TMEM266: variants seen among roughly 807,000 people sequenced by gnomAD.
TMEM266 encodes the protein transmembrane protein 266.
TMEM266 carries 33 observed loss-of-function variants against 50.5 expected under a neutral mutation model. The observed-to-expected ratio is 0.65, with a 90% CI of 0.50 to 0.87. The LOEUF is 0.87. Ranked by LOEUF, TMEM266 falls within the 40% of genes least tolerant of loss-of-function variation. TMEM266 has a pLI of 0.00. For synonymous variants in TMEM266, 310 were observed against 292.3 expected, an observed-to-expected ratio of 1.06 and a Z score of -0.62; for missense variants, 655 against 695.1, an observed-to-expected ratio of 0.94 and a Z score of 0.65.
intron 1 of TMEM266, among the ~76,000 whole-genome samples, chr15:76,080,003 A>G (rs879269917): frequency 2.0e-5 from 3 of 151,960 alleles, no homozygotes; most frequent in Non-Finnish European, 4.4e-5. Context: ...AAGATAGCAT[A>G]AAGATGCTTG....
intron 2 of TMEM266, among the ~76,000 whole-genome samples, chr15:76,135,834 T>A (rs765587450): frequency 6.6e-6 from 1 of 152,226 alleles, no homozygotes; most frequent in Non-Finnish European, 1.5e-5. Flanking sequence ...GCAGCCAGGC[T>A]GTGGCATTCA....
rs1289369477 is a variant in TMEM266 at position 76,204,551 on chromosome 15, G to C, written c.*236G>C. The C allele has an allele frequency of 4.4e-5, 18 of 405,180 alleles. No individual in the cohort carries two copies. The highest frequency in any genetic ancestry group is 7.9e-5 in the Non-Finnish European group (18 of 228,192). 25.1% of individuals were successfully genotyped at this position (405,180 alleles called of 1,614,324 possible). A position where few individuals can be genotyped will look rare whatever the true frequency, so the allele number is the denominator to read the frequency against. On this transcript the variant is annotated 3_prime_UTR_variant, in exon 11 of 11. Transcript: ENST00000388942. ...AGGGGAGGGTGGTGCTCGTGGCTGGGTTTTCTTTTTAACCATTTTTACAAA... is the reference window on the plus strand; with the variant it reads ...AGGGGAGGGTGGTGCTCGTGGCTGGCTTTTCTTTTTAACCATTTTTACAAA...
intron 1 of TMEM266, among the ~76,000 whole-genome samples, chr15:76,099,488 G>A (rs62027658): frequency 0.093 from 14,213 of 152,334 alleles, 921 homozygotes; most frequent in Non-Finnish European, 0.15. Context: ...TGTCGACCTC[G>A]CTGGGAGCTG....
chr15:76,190,074 A>G (rs1016425135), intron 8 of TMEM266, among the ~76,000 whole-genome samples: 1 of 152,152 alleles, frequency 6.6e-6, no homozygotes, highest in African/African-American at 2.4e-5. Flanking sequence ...TCAACAAAAT[A>G]TTAAAATAAA....
intron 1 of TMEM266, among the ~76,000 whole-genome samples, chr15:76,127,071 A>G (rs746550585): frequency 1.3e-5 from 2 of 152,164 alleles, no homozygotes; most frequent in Non-Finnish European, 2.9e-5. Context: ...AACATATTGT[A>G]TGCTTAAATT....
At chr15:76,098,562 G>T (rs1173952013) in intron 1 of TMEM266, among the ~76,000 whole-genome samples, 2 of 152,102 alleles carry the variant, frequency 1.3e-5, no homozygotes, top group African/African-American at 4.8e-5. Context: ...GGGGATCAGG[G>T]ACCCACTTGA....
Position 76,203,921 on chromosome 15 carries a change from G to T in TMEM266, c.1202G>T (p.Ser401Ile). ...TCAGTCACCCGGGCCCAGAGTGACA[G>T]CAGCCAGACGCTGGGCTCCTCCATG... is the stretch of plus-strand genomic sequence containing the variant. Residue 401 changes from serine (S) to isoleucine (I), a missense_variant, in exon 11 of 11, where the codon AGC becomes ATC. This residue lies in a region of TMEM266 where 455 missense variants were observed against 401.8 expected (regional missense o/e 1.13). Transcript: ENST00000388942. The T allele has an allele frequency of 1.2e-6, 2 of 1,614,074 alleles. No individual in the cohort carries two copies. Among genetic ancestry groups the T allele is most frequent in the Non-Finnish European group, 8.5e-7 (1 of 1,180,026 alleles).
Position 76,111,111 on chromosome 15 carries a change from G to C in TMEM266, c.-96-23057G>C, listed in dbSNP as rs188883899. Among the ~76,000 whole-genome samples the C allele has an allele frequency of 4.4e-3, 659 of 148,410 alleles. 4 individuals are homozygous for C. The highest frequency in any genetic ancestry group is 0.015 in the African/African-American group (615 of 40,060). ...TTTTTTTTTTTTGAGATGGAGTTTCGCTTTTGTTGCCCAGGCTGGAGTGCA... is the reference window on the plus strand; with the variant it reads ...TTTTTTTTTTTTGAGATGGAGTTTCCCTTTTGTTGCCCAGGCTGGAGTGCA... On this transcript the variant is annotated intron_variant, in intron 1 of 10. Coordinates refer to ENST00000388942, the MANE Select transcript of TMEM266 (RefSeq NM_152335.3).
Position 76,134,284 on chromosome 15 carries a change from C to G in TMEM266, c.21C>G (p.Phe7Leu), listed in dbSNP as rs369334168. The change falls in exon 2 of 11, where the codon TTC (phenylalanine) becomes TTG (leucine). Residue 7 changes from phenylalanine (F) to leucine (L), a missense_variant. By Grantham distance (22) the Phe-to-Leu change is conservative. Coordinates refer to ENST00000388942, the MANE Select transcript of TMEM266 (RefSeq NM_152335.3). ...AACCCATGGCTGTGGCTCCATCTTT[C>G]AACATGACCAATCCACAGTAAGTAA... 4 of 1,614,018 alleles carry G rather than the reference C, an allele frequency of 2.5e-6. No homozygotes were observed. The highest frequency in any genetic ancestry group is 3.4e-6 in the Non-Finnish European group (4 of 1,179,914).
chr15:76,064,951 G>A (rs1415026868), intron 1 of TMEM266, among the ~76,000 whole-genome samples: 1 of 152,144 alleles, frequency 6.6e-6, no homozygotes, highest in African/African-American at 2.4e-5. Flanking sequence ...ATTTTCTCCA[G>A]CCAATACAAT....
At chr15:76,119,708 A>G (rs2037311437) in intron 1 of TMEM266, among the ~76,000 whole-genome samples, 1 of 152,174 alleles carries the variant, frequency 6.6e-6, no homozygotes, top group Admixed American at 6.5e-5. Flanking sequence ...TGGAGGCTTC[A>G]GTGAGCCGAG....
chr15:76,081,702 T>G (rs1430013639), intron 1 of TMEM266, among the ~76,000 whole-genome samples: 2 of 152,176 alleles, frequency 1.3e-5, no homozygotes, highest in Non-Finnish European at 2.9e-5. Context: ...ACTTGGAGGT[T>G]GTTGTGAAAA....
chr15:76,156,961 C>A (rs2037937049), intron 4 of TMEM266, among the ~76,000 whole-genome samples: 1 of 152,178 alleles, frequency 6.6e-6, no homozygotes, highest in South Asian at 2.1e-4. Context: ...CCCCCAGCCT[C>A]AGTTTGCCCC....
chr15:76,081,971 G>A lies in TMEM266; in HGVS notation c.-97+21955G>A, dbSNP rs73451182. 4.5e-3 allele frequency among the ~76,000 whole-genome samples: 690 copies of A among 152,196 alleles called. 7 individuals are homozygous for A. The highest frequency in any genetic ancestry group is 0.016 in the African/African-American group (644 of 41,524). ...TTTCTCTTACCTCAAAGGAAGAATC[G>A]TTCTTCCTTTTCAAAACTAATGATC... On this transcript the variant is annotated intron_variant, in intron 1 of 10. Transcript: ENST00000388942.
At chr15:76,169,922 C>G in intron 6 of TMEM266, 50 bp downstream of exon 6, 1 of 1,576,430 alleles carries the variant, frequency 6.3e-7, no homozygotes, top group Non-Finnish European at 8.7e-7. Context: ...ATCCTGGAAG[C>G]TGGAAAACGT....
intron 1 of TMEM266, among the ~76,000 whole-genome samples, chr15:76,124,916 A>T (rs183651769): frequency 3.3e-5 from 5 of 152,232 alleles, no homozygotes; most frequent in Admixed American, 2.0e-4. Context: ...AAAAAAAGCC[A>T]GAGGCAGCAC....
At chr15:76,199,671 A>G (rs1233849795) in intron 9 of TMEM266, among the ~76,000 whole-genome samples, 1 of 152,212 alleles carries the variant, frequency 6.6e-6, no homozygotes, top group Admixed American at 6.5e-5. Flanking sequence ...GGCACAGTCT[A>G]TTCAATAATC....
chr15:76,180,701 C>T (rs1350282087), intron 8 of TMEM266, among the ~76,000 whole-genome samples: 1 of 150,724 alleles, frequency 6.6e-6, no homozygotes, highest in East Asian at 2.0e-4. Flanking sequence ...GCAACCTCCA[C>T]CTCCTGGGTT....
intron 3 of TMEM266, among the ~76,000 whole-genome samples, chr15:76,147,714 G>C (rs2037777288): frequency 6.6e-6 from 1 of 152,210 alleles, no homozygotes; most frequent in African/African-American, 2.4e-5. Context: ...TGGGGTCCAG[G>C]AACCCCAGAG....
Sources: gnomAD v4.1 joint callset for allele counts (sites outside exome capture counted in the v4.1 genomes callset) on GRCh38, gnomAD v4.1.1 for gene constraint, gnomAD v4.1.1 regional missense constraint, MANE v1.5 for transcripts, NCBI Gene and HGNC (gene_info 2026-07-23, HGNC 2026-07-21) for gene names.